RPS6KC1: variants seen among roughly 807,000 people sequenced by gnomAD.
The protein encoded by RPS6KC1 is ribosomal protein S6 kinase C1, also known as inactive ribosomal protein S6 kinase delta-1.
Under a neutral mutation model 103.8 loss-of-function variants are expected in RPS6KC1, and 54 were observed. The ratio of observed to expected loss-of-function variants is 0.52; its 90% CI spans 0.42 to 0.65. RPS6KC1 has a LOEUF of 0.65. RPS6KC1 is among the 30% of genes least tolerant of loss of function. The pLI, the probability that RPS6KC1 is intolerant of heterozygous loss-of-function variation, is 0.00. For synonymous variants in RPS6KC1, 439 were observed against 438.7 expected (o/e 1.00, Z -0.01); for missense variants, 1,151 against 1,253.8 (o/e 0.92, Z 1.24).
chr1:213,299,627 T>C, the RPS6KC1 span, among the ~76,000 whole-genome samples: 1 of 150,854 alleles, frequency 6.6e-6, no homozygotes, highest in South Asian at 2.1e-4. Context: ...ATTAAAAATA[T>C]AAAAAGAAAT....
At chr1:213,353,681 A>G in the RPS6KC1 span, among the ~76,000 whole-genome samples, 26 of 152,342 alleles carry the variant, frequency 1.7e-4, no homozygotes, top group Admixed American at 7.8e-4. Flanking sequence ...GGCTGACTGC[A>G]TAATCAGCCT....
Position 213,241,413 on chromosome 1 carries a change from A to C in RPS6KC1, c.1937A>C (p.Asn646Thr), listed in dbSNP as rs751720775. Residue 646 changes from asparagine to threonine, a missense_variant, in exon 11 of 15, where the codon AAT (asparagine) becomes ACT (threonine). Coordinates refer to ENST00000366960, the MANE Select transcript of RPS6KC1 (RefSeq NM_012424.6). ...GGAGACAGTGCTTCTAGGAGTTTTAATACTAGTGAAAGCAAGGTAGAGTTT... is the reference window on the plus strand; with the variant it reads ...GGAGACAGTGCTTCTAGGAGTTTTACTACTAGTGAAAGCAAGGTAGAGTTT... The part of the protein sequence containing the change: ...PDGDSASRSF[N>T]TSESKVEFKA... 6.2e-7 allele frequency: 1 copy of C among 1,613,944 alleles called. No individual in the cohort carries two copies. The highest frequency in any genetic ancestry group is 8.5e-7 in the Non-Finnish European group (1 of 1,179,942).
At chr1:213,073,428 T>G (rs944739147) in intron 2 of RPS6KC1, among the ~76,000 whole-genome samples, 1 of 152,236 alleles carries the variant, frequency 6.6e-6, no homozygotes, top group Non-Finnish European at 1.5e-5. Context: ...ATCTGTGGCC[T>G]GTCATTCAGT....
the RPS6KC1 span, among the ~76,000 whole-genome samples, chr1:213,805,496 G>A: frequency 1.3e-5 from 2 of 152,182 alleles, no homozygotes; most frequent in Non-Finnish European, 2.9e-5. Context: ...TCCATAAGAA[G>A]CAACTCCTCG....
the RPS6KC1 span, among the ~76,000 whole-genome samples, chr1:213,856,030 C>T: frequency 8.5e-5 from 13 of 152,162 alleles, no homozygotes; most frequent in Admixed American, 2.0e-4. Flanking sequence ...GATTAGGTGA[C>T]GAGGGAGCCT....
chr1:213,292,890 A>G, the RPS6KC1 span, among the ~76,000 whole-genome samples: 1 of 152,222 alleles, frequency 6.6e-6, no homozygotes, highest in Non-Finnish European at 1.5e-5. Context: ...GGAGAAAAAG[A>G]AAGAAAGTCA....
At chr1:213,704,304 G>A in the RPS6KC1 span, among the ~76,000 whole-genome samples, 1 of 147,284 alleles carries the variant, frequency 6.8e-6, no homozygotes, top group African/African-American at 2.5e-5. Flanking sequence ...GGAGAATGGC[G>A]TGAACCCCAG....
the RPS6KC1 span, among the ~76,000 whole-genome samples, chr1:213,363,625 G>GCTTGCTTTCTTTCTTT: frequency 1.4e-5 from 1 of 73,782 alleles, no homozygotes; most frequent in Non-Finnish European, 2.6e-5. Flanking sequence ...TTGCTTGCTT[G>GCTTGCTTTCTTTCTTT]CTTTCTTTCT....
chr1:213,590,018 A>G, the RPS6KC1 span, among the ~76,000 whole-genome samples: 1 of 151,872 alleles, frequency 6.6e-6, no homozygotes, highest in Non-Finnish European at 1.5e-5. Flanking sequence ...ATAACATTAC[A>G]AAATGTAAAT....
the RPS6KC1 span, among the ~76,000 whole-genome samples, chr1:213,496,042 C>T: frequency 6.6e-6 from 1 of 151,904 alleles, no homozygotes; most frequent in Admixed American, 6.6e-5. Context: ...TACTTTTCAT[C>T]TTTGAATCTG....
chr1:213,468,848 C>T, the RPS6KC1 span, among the ~76,000 whole-genome samples: 1 of 152,154 alleles, frequency 6.6e-6, no homozygotes, highest in Non-Finnish European at 1.5e-5. Flanking sequence ...GTGCCAGCCC[C>T]ACCTTCCCTT....
the RPS6KC1 span, among the ~76,000 whole-genome samples, chr1:213,753,430 C>T: frequency 6.6e-6 from 1 of 152,102 alleles, no homozygotes. Context: ...GGGTTTTGCT[C>T]CCCAAGGGCA....
the RPS6KC1 span, among the ~76,000 whole-genome samples, chr1:213,340,203 C>G: frequency 1.3e-5 from 2 of 152,110 alleles, no homozygotes; most frequent in African/African-American, 4.8e-5. Context: ...TTTCATGAGC[C>G]CTGTGATGCT....
chr1:213,465,595 A>T, the RPS6KC1 span, among the ~76,000 whole-genome samples: 3 of 151,372 alleles, frequency 2.0e-5, no homozygotes, highest in Non-Finnish European at 4.4e-5. Context: ...TTTTTAAAAA[A>T]CTCGTTCATT....
chr1:213,068,864 A>AGT (rs1558253047), intron 1 of RPS6KC1, among the ~76,000 whole-genome samples: 8 of 130,150 alleles, frequency 6.1e-5, no homozygotes, highest in African/African-American at 2.3e-4. Context: ...AAAAAAAAAA[A>AGT]GTGTATATAT....
intron 6 of RPS6KC1, among the ~76,000 whole-genome samples, chr1:213,147,734 C>T (rs1304474154): frequency 1.3e-5 from 2 of 152,092 alleles, no homozygotes; most frequent in Middle Eastern, 3.2e-3. Flanking sequence ...CTGTGAAGAA[C>T]GTCATTGATA....
the RPS6KC1 span, among the ~76,000 whole-genome samples, chr1:213,759,122 A>G: frequency 3.3e-4 from 51 of 152,320 alleles, no homozygotes; most frequent in Non-Finnish European, 6.5e-4. Context: ...CCCAGCCTTC[A>G]GCAACCACCA....
chr1:213,328,011 C>T, the RPS6KC1 span, among the ~76,000 whole-genome samples: 1 of 152,110 alleles, frequency 6.6e-6, no homozygotes, highest in Non-Finnish European at 1.5e-5. Context: ...CTTTATAACT[C>T]TTACCATTAT....
the RPS6KC1 span, among the ~76,000 whole-genome samples, chr1:213,860,405 CA>C: frequency 1.6e-3 from 227 of 145,524 alleles, 1 homozygote; most frequent in African/African-American, 4.8e-3. Flanking sequence ...GTAAGAGAAA[CA>C]AAAAAAAAAT....
Sources: allele counts gnomAD v4.1 joint callset (sites outside exome capture counted in the v4.1 genomes callset), GRCh38; gene constraint gnomAD v4.1.1; transcripts MANE v1.5; gene names NCBI Gene and HGNC (gene_info 2026-07-23, HGNC 2026-07-21).